Variants in OC90 observed in about 807,000 individuals in gnomAD.
The protein encoded by OC90 is otoconin-90.
A neutral mutation model predicts 47.3 loss-of-function variants in OC90; 46 were observed. The observed-to-expected ratio is 0.97, with a 90% confidence interval of 0.77 to 1.24. OC90 has a LOEUF of 1.24. Among genes scored for constraint, OC90 ranks in the 50% most tolerant of loss-of-function variants. The pLI, the probability that OC90 is intolerant of heterozygous loss-of-function variation, is 0.00. For synonymous variants in OC90, 271 were observed against 219.5 expected, an observed-to-expected ratio of 1.23 and a Z score of -2.07; for missense variants, 688 against 583.9, an observed-to-expected ratio of 1.18 and a Z score of -1.84.
At chr8:132,047,189 A>T (rs1019188959) in intron 2 of OC90, among the ~76,000 whole-genome samples, 1 of 152,166 alleles carries the variant, frequency 6.6e-6, no homozygotes, top group Non-Finnish European at 1.5e-5. Context: ...GAATAACAAC[A>T]GTGGGTGCTT....
rs1009475810 is a variant in OC90, at chr8:132,024,796, G to A, written c.1139-20C>T. 2.4e-5 allele frequency: 38 copies of A among 1,595,728 alleles called. No homozygotes were observed. Among genetic ancestry groups the A allele is most frequent in the Non-Finnish European group, 3.0e-5 (35 of 1,169,866 alleles). ...CCCCACCTTAGAAGGAAAGAGCAGA[G>A]TAGAAGCCATGAGACCTCTGAGGAT... On this transcript the variant is annotated intron_variant, in intron 13 of 13. Transcript: ENST00000254627.
rs758297560 is a variant in OC90 at position 132,029,109 on chromosome 8, A to C, written c.1102T>G (p.Trp368Gly). Reference protein sequence around the residue: ...RLGCLLERLPWSPVVCVDHTP... With the variant: ...RLGCLLERLPGSPVVCVDHTP... ...TGATCCACACACACCACCGGTGACC[A>C]AGGAAGCCTCTCAAGCAGGCAGCCC... Residue 368 changes from tryptophan to glycine, a missense_variant, in exon 13 of 14, where the codon TGG becomes GGG. Trp to Gly is a radical substitution (Grantham distance 184). Coordinates refer to ENST00000254627, the MANE Select transcript of OC90 (RefSeq NM_001080399.3). 1 of 1,613,932 alleles carries C rather than the reference A, an allele frequency of 6.2e-7. No individual in the cohort carries two copies. The highest frequency in any genetic ancestry group is 2.2e-5 in the East Asian group (1 of 44,876).
At chr8:132,033,867 A>G (rs1822913745) in intron 10 of OC90, among the ~76,000 whole-genome samples, 1 of 152,010 alleles carries the variant, frequency 6.6e-6, no homozygotes, top group South Asian at 2.1e-4. Context: ...AGCCCCACCA[A>G]TCTGCTGACC....
intron 2 of OC90, among the ~76,000 whole-genome samples, chr8:132,052,703 A>G (rs893596701): frequency 3.3e-5 from 5 of 152,310 alleles, no homozygotes; most frequent in Non-Finnish European, 4.4e-5. Flanking sequence ...GTAAGGACAA[A>G]ACTCACCAGA....
At chr8:132,033,721 G>A (rs911029129) in intron 10 of OC90, among the ~76,000 whole-genome samples, 4 of 152,186 alleles carry the variant, frequency 2.6e-5, no homozygotes, top group Non-Finnish European at 2.9e-5. Flanking sequence ...CCGCCTGCCT[G>A]ACACTCTCTC....
intron 10 of OC90, 61 bp from the exon 11 acceptor site, chr8:132,033,225 T>G: frequency 6.4e-7 from 1 of 1,555,610 alleles, no homozygotes; most frequent in Non-Finnish European, 8.7e-7. Context: ...GATTTGCAGA[T>G]GGACATACGA....
At chr8:132,038,314 GCTGC>G (rs1309814547) in intron 8 of OC90, among the ~76,000 whole-genome samples, 15 of 152,322 alleles carry the variant, frequency 9.8e-5, no homozygotes, top group African/African-American at 3.4e-4. Flanking sequence ...TTGGACCCAG[GCTGC>G]CCCTTTTGCT....
At chr8:132,054,958 TG>T in intron 2 of OC90, 22 bp downstream of exon 2, 1 of 1,525,786 alleles carries the variant, frequency 6.6e-7, no homozygotes, top group Non-Finnish European at 8.9e-7. Flanking sequence ...GCTGGAACTA[TG>T]GTGTAAGATA....
Position 132,024,561 on chromosome 8 carries a change from G to T in OC90, c.1354C>A (p.Gln452Lys). 1.2e-6 allele frequency: 2 copies of T among 1,612,384 alleles called. No individual in the cohort carries two copies. Among genetic ancestry groups the T allele is most frequent in the Non-Finnish European group, 1.7e-6 (2 of 1,178,814 alleles). ...CTCTTGGCTCTGCCGAGGTCCTCCTGTGGAGGGTCCTCCTCGCTGTCCTCC... is the reference window on the plus strand; with the variant it reads ...CTCTTGGCTCTGCCGAGGTCCTCCTTTGGAGGGTCCTCCTCGCTGTCCTCC... ...SEEDSEEDPP[Q>K]EDLGRAKRFL... The change falls in exon 14 of 14, where the codon CAG becomes AAG. Residue 452 changes from glutamine (Q) to lysine (K), a missense_variant. By Grantham distance (53) the Gln-to-Lys change is moderately conservative. Transcript: ENST00000254627.
chr8:132,030,154 G>A (rs1253160763), intron 12 of OC90, among the ~76,000 whole-genome samples: 1 of 152,176 alleles, frequency 6.6e-6, no homozygotes, highest in East Asian at 1.9e-4. Context: ...GTATTTGGCA[G>A]GGATGGGTGG....
chr8:132,034,538 T>A (rs1822925635), intron 10 of OC90, among the ~76,000 whole-genome samples: 2 of 152,168 alleles, frequency 1.3e-5, no homozygotes, highest in African/African-American at 4.8e-5. Flanking sequence ...TCTGAATTAT[T>A]GGTGCTAATC....
rs557731581 is a variant in OC90 at position 132,024,348 on chromosome 8, C to T, written c.*133G>A. On this transcript the variant is annotated 3_prime_UTR_variant, in exon 14 of 14. Coordinates refer to ENST00000254627, the MANE Select transcript of OC90 (RefSeq NM_001080399.3). ...ATGAGGCATGGGCAGGGCTCACGGC[C>T]TCTGTTCCCTCCCCGCCTCTGAGTT... 2.7e-5 allele frequency: 20 copies of T among 730,248 alleles called. No homozygotes were observed. The highest frequency in any genetic ancestry group is 3.9e-5 in the Non-Finnish European group (18 of 462,594). 45.2% of individuals were successfully genotyped at this position (730,248 alleles called of 1,614,324 possible).
intron 13 of OC90, among the ~76,000 whole-genome samples, chr8:132,025,586 G>A (rs527415554): frequency 6.6e-6 from 1 of 152,258 alleles, no homozygotes; most frequent in South Asian, 2.1e-4. Flanking sequence ...CCCGGGGGAG[G>A]GATGAAAGGA....
intron 1 of OC90, among the ~76,000 whole-genome samples, chr8:132,057,790 C>A (rs1823295140): frequency 6.6e-6 from 1 of 152,214 alleles, no homozygotes; most frequent in Non-Finnish European, 1.5e-5. Context: ...CTGGTGACAA[C>A]CCTCCAAGAC....
chr8:132,024,637 T>G lies in OC90; in HGVS notation c.1278A>C (p.Glu426Asp). The G allele has an allele frequency of 6.2e-7, 1 of 1,613,550 alleles. No homozygotes were observed. Among genetic ancestry groups the G allele is most frequent in the Non-Finnish European group, 8.5e-7 (1 of 1,179,738 alleles). ...CTGCGGGCACAGGGTGCAGGCTGTC[T>G]TCACAGGCTGCTGGCTGCCCAGGGC... Reference protein sequence around the residue: ...LGCPGQPAACEDSLHPVPAAP... With the variant: ...LGCPGQPAACDDSLHPVPAAP... Residue 426 changes from glutamate to aspartate, a missense_variant, in exon 14 of 14, where the codon GAA becomes GAC. Physicochemically the swap from Glu to Asp is conservative, Grantham distance 45 (BLOSUM62 2). Transcript: ENST00000254627.
chr8:132,033,189 C>T lies in OC90; in HGVS notation c.734-25G>A, dbSNP rs574130100. 4.9e-5 allele frequency: 78 copies of T among 1,596,200 alleles called. 1 individual carries two copies. The South Asian group carries it at 7.0e-4, about 14-fold the overall frequency. On this transcript the variant is annotated intron_variant, in intron 10 of 13. Coordinates refer to ENST00000254627, the MANE Select transcript of OC90 (RefSeq NM_001080399.3). ...CCTGAAAATGAAAAACTTCATGATT[C>T]GGATTCAAAAAGTGGCTCAAGGAGA...
intron 4 of OC90, among the ~76,000 whole-genome samples, chr8:132,041,900 C>A (rs550417199): frequency 6.6e-6 from 1 of 152,278 alleles, no homozygotes; most frequent in African/African-American, 2.4e-5. Flanking sequence ...TTCTTCCTTA[C>A]TGACAAAACT....
chr8:132,028,878 G>A (rs184142308), intron 13 of OC90, among the ~76,000 whole-genome samples, 195 bp downstream of exon 13: 1 of 134,182 alleles, frequency 7.5e-6, no homozygotes, highest in Admixed American at 8.4e-5. Flanking sequence ...AGGGAAGGAA[G>A]GAAAAGAAAG....
chr8:132,050,163 G>A, intron 2 of OC90, among the ~76,000 whole-genome samples: 1 of 138,798 alleles, frequency 7.2e-6, no homozygotes, highest in South Asian at 2.6e-4. Context: ...CTAGGTAAAG[G>A]GGTCAACAGG....
Sources: allele counts gnomAD v4.1 joint callset (sites outside exome capture counted in the v4.1 genomes callset), GRCh38; gene constraint gnomAD v4.1.1; transcripts MANE v1.5; gene names NCBI Gene and HGNC (gene_info 2026-07-23, HGNC 2026-07-21).